The following CA10 variants were observed in gnomAD, a reference collection of about 807,000 sequenced individuals.
The protein encoded by CA10 is carbonic anhydrase-related protein 10.
CA10 carries 14 observed loss-of-function variants against 44.2 expected under a neutral mutation model. The ratio of observed to expected loss-of-function variants is 0.32; its 90% confidence interval spans 0.21 to 0.50. The LOEUF (loss-of-function observed/expected upper bound fraction) is 0.50, where lower values mean the gene tolerates loss of function less well. Among genes scored for constraint, CA10 ranks in the 20% least tolerant of loss-of-function variants. The pLI, the probability that CA10 is intolerant of heterozygous loss-of-function variation, is 0.99. For synonymous variants in CA10, 159 were observed against 141.6 expected (o/e 1.12, Z -0.87); for missense variants, 350 against 409.7 (o/e 0.85, Z 1.26).
At chr17:51,836,837 C>T (rs1400171727) in intron 3 of CA10, among the ~76,000 whole-genome samples, 1 of 152,046 alleles carries the variant, frequency 6.6e-6, no homozygotes, top group African/African-American at 2.4e-5. Flanking sequence ...ACAGTAAATA[C>T]TCCCCAAAGA....
chr17:51,678,207 TG>T (rs1239428452), intron 4 of CA10, among the ~76,000 whole-genome samples: 1 of 152,108 alleles, frequency 6.6e-6, no homozygotes, highest in Non-Finnish European at 1.5e-5. Flanking sequence ...TGCCAGAAGC[TG>T]GGGAAGGGAG....
intron 1 of CA10, among the ~76,000 whole-genome samples, chr17:52,108,576 T>C (rs1405857627): frequency 6.6e-6 from 1 of 151,724 alleles, no homozygotes; most frequent in Non-Finnish European, 1.5e-5. Context: ...GGTGTGTGCC[T>C]GTAATCCCAG....
chr17:51,753,478 G>C (rs1904963450), intron 3 of CA10, among the ~76,000 whole-genome samples: 1 of 152,122 alleles, frequency 6.6e-6, no homozygotes. Flanking sequence ...GCATTTTTAA[G>C]GTAGGAAAAA....
intron 2 of CA10, among the ~76,000 whole-genome samples, chr17:52,015,862 C>T (rs918993451): frequency 2.0e-5 from 3 of 152,114 alleles, no homozygotes; most frequent in Non-Finnish European, 4.4e-5. Context: ...ATTGGGAATG[C>T]TGCTTTTTAT....
chr17:51,692,322 T>C (rs970602467), intron 4 of CA10, among the ~76,000 whole-genome samples: 5 of 151,252 alleles, frequency 3.3e-5, no homozygotes, highest in African/African-American at 1.2e-4. Flanking sequence ...CATATAGTAA[T>C]GCTACAGTTT....
chr17:52,051,013 G>A (rs1004230430), intron 2 of CA10, among the ~76,000 whole-genome samples: 1 of 150,724 alleles, frequency 6.6e-6, no homozygotes, highest in Admixed American at 6.6e-5. Context: ...AGGAAGGAAG[G>A]AACGAAGGAA....
intron 8 of CA10, among the ~76,000 whole-genome samples, chr17:51,632,965 C>T (rs1912651828): frequency 6.6e-6 from 1 of 152,134 alleles, no homozygotes; most frequent in South Asian, 2.1e-4. Context: ...ATTCTAATGG[C>T]CTGCCCTTTA....
At chr17:52,013,341 G>T (rs984069572) in intron 2 of CA10, among the ~76,000 whole-genome samples, 1 of 151,664 alleles carries the variant, frequency 6.6e-6, no homozygotes, top group Non-Finnish European at 1.5e-5. Context: ...AGAAGAGATA[G>T]AAATCACAAT....
intron 4 of CA10, among the ~76,000 whole-genome samples, chr17:51,693,941 A>C (rs1219750118): frequency 6.6e-6 from 1 of 152,190 alleles, no homozygotes; most frequent in Admixed American, 6.5e-5. Flanking sequence ...ACAGTGGCTC[A>C]CACCTGTAAT....
intron 3 of CA10, among the ~76,000 whole-genome samples, chr17:51,818,093 T>C (rs1330995433): frequency 6.6e-6 from 1 of 152,238 alleles, no homozygotes; most frequent in African/African-American, 2.4e-5. Flanking sequence ...TTTCAAGTGA[T>C]ACAAGTCAAC....
chr17:51,902,716 G>A (rs893021456), intron 3 of CA10, among the ~76,000 whole-genome samples: 1 of 152,148 alleles, frequency 6.6e-6, no homozygotes, highest in African/African-American at 2.4e-5. Context: ...TGTAAATTCA[G>A]TTTACTACAA....
intron 3 of CA10, among the ~76,000 whole-genome samples, chr17:51,882,896 T>C (rs1164418406): frequency 1.3e-5 from 2 of 152,222 alleles, no homozygotes; most frequent in African/African-American, 2.4e-5. Flanking sequence ...AGAGTAATAG[T>C]TTGGCACTTC....
chr17:51,782,976 A>G (rs150060220), intron 3 of CA10, among the ~76,000 whole-genome samples: 264 of 152,312 alleles, frequency 1.7e-3, no homozygotes, highest in Non-Finnish European at 2.8e-3. Context: ...ATCTCCTTCC[A>G]GAAAAATCTC....
intron 3 of CA10, among the ~76,000 whole-genome samples, chr17:51,849,126 A>AT (rs1567860156): frequency 3.6e-5 from 5 of 138,980 alleles, no homozygotes; most frequent in African/African-American, 1.3e-4. Context: ...TATATATATA[A>AT]ATATAAAAAC....
Position 51,849,246 on chromosome 17 carries a change from T to C in CA10, c.279+81744A>G, listed in dbSNP as rs9905063. On this transcript the variant is annotated intron_variant, in intron 3 of 8. Transcript: ENST00000451037. The stretch of plus-strand genomic sequence containing the variant: ...ATATATGTGTGTGTATATATATATA[T>C]ATATATATATATATATATAAAACTA... Among the ~76,000 whole-genome samples the C allele has an allele frequency of 2.9e-3, 385 of 130,520 alleles. 12 individuals are homozygous for C. The highest frequency in any genetic ancestry group is 9.9e-3 in the African/African-American group (341 of 34,274). 85.6% of individuals were successfully genotyped at this position (130,520 alleles called of 152,430 possible).
chr17:52,044,620 G>A (rs1986860543), intron 2 of CA10, among the ~76,000 whole-genome samples: 1 of 152,016 alleles, frequency 6.6e-6, no homozygotes, highest in African/African-American at 2.4e-5. Context: ...TTTCTTTAGA[G>A]AAATGGAAGC....
Position 51,896,960 on chromosome 17 carries a change from C to T in CA10, c.279+34030G>A, listed in dbSNP as rs555212533. Among the ~76,000 whole-genome samples, 6 of 151,940 alleles carry T rather than the reference C, an allele frequency of 3.9e-5. No individual in the cohort carries two copies. In the East Asian group the frequency reaches 7.8e-4, roughly 20 times the overall value. On this transcript the variant is annotated intron_variant, in intron 3 of 8. Transcript: ENST00000451037. ...AATTTGTTTAAGTTGCTTGTAGATGCTGGGAATTAGACCTTTGTCAGATGC... is the reference window on the plus strand; with the variant it reads ...AATTTGTTTAAGTTGCTTGTAGATGTTGGGAATTAGACCTTTGTCAGATGC...
chr17:52,049,233 T>C (rs1986994106), intron 2 of CA10, among the ~76,000 whole-genome samples: 1 of 152,056 alleles, frequency 6.6e-6, no homozygotes, highest in African/African-American at 2.4e-5. Context: ...ATGCTCAGAA[T>C]AGTACCATGG....
intron 3 of CA10, among the ~76,000 whole-genome samples, chr17:51,831,890 A>G (rs151068029): frequency 1.3e-5 from 2 of 152,260 alleles, no homozygotes; most frequent in East Asian, 1.9e-4. Context: ...AGATTCTACT[A>G]TTAAGAAAGA....
Sources: allele counts gnomAD v4.1 joint callset (sites outside exome capture counted in the v4.1 genomes callset), GRCh38; gene constraint gnomAD v4.1.1; transcripts MANE v1.5; gene names NCBI Gene and HGNC (gene_info 2026-07-23, HGNC 2026-07-21).